Variants in HAPLN3 observed in about 807,000 individuals in gnomAD.
HAPLN3 encodes the protein hyaluronan and proteoglycan link protein 3.
Under a neutral mutation model 28.1 loss-of-function variants are expected in HAPLN3, and 28 were observed. That is an observed-to-expected ratio of 1.00 (90% CI 0.74 to 1.37). The LOEUF is 1.37. Among genes scored for constraint, HAPLN3 ranks in the 40% most tolerant of loss-of-function variants. The pLI, the probability that HAPLN3 is intolerant of heterozygous loss-of-function variation, is 0.00. For synonymous variants in HAPLN3, 211 were observed against 213.1 expected (o/e 0.99, Z 0.09); for missense variants, 513 against 504.6 (o/e 1.02, Z -0.16).
Position 88,881,606 on chromosome 15 carries a change from G to T in HAPLN3, c.244C>A (p.Arg82=). ...YRYEPALVSP[R]RVRVKWWKLS... ...TTCCACCATTTGACACGCACACGCC[G>T]CGGGGAGACCAGGGCCGGCTCGTAG... The change falls in exon 3 of 5, where the codon CGG becomes AGG. Residue 82 remains arginine, a synonymous_variant. Coordinates refer to ENST00000359595, the MANE Select transcript of HAPLN3 (RefSeq NM_178232.4). This position sits in a 1 kb window ranked among gnomAD's most constrained non-coding sequence, Gnocchi z 6.0. 1.9e-6 allele frequency: 3 copies of T among 1,614,036 alleles called. No individual in the cohort carries two copies. Among genetic ancestry groups the T allele is most frequent in the Non-Finnish European group, 2.5e-6 (3 of 1,180,038 alleles).
At chr15:88,882,367 A>G (rs1270042336) in intron 2 of HAPLN3, among the ~76,000 whole-genome samples, 1 of 152,164 alleles carries the variant, frequency 6.6e-6, no homozygotes, top group Non-Finnish European at 1.5e-5. Flanking sequence ...GCCACCCCAC[A>G]TGAGGTACAT....
In HAPLN3 at chr15:88,893,945, TTGGGG is replaced by T. The variant is rs1369576791; in HGVS notation, c.-48+1509_-48+1513del. Among the ~76,000 whole-genome samples, 345 of 79,742 alleles carry T rather than the reference TTGGGG, an allele frequency of 4.3e-3. 7 individuals are homozygous for T. The highest frequency in any genetic ancestry group is 6.8e-3 in the Middle Eastern group (1 of 146). 52.3% of individuals were successfully genotyped at this position (79,742 alleles called of 152,430 possible). A position where few individuals can be genotyped will look rare whatever the true frequency, so the allele number is the denominator to read the frequency against. On this transcript the variant is annotated intron_variant, in intron 1 of 4. Coordinates refer to ENST00000359595, the MANE Select transcript of HAPLN3 (RefSeq NM_178232.4). ...CTCCATCTCAAAAAAAAAAAAAAAGTTGGGGTGGGGGGGGCGGTCACGACAATACC... is the reference window on the plus strand; with the variant it reads ...CTCCATCTCAAAAAAAAAAAAAAAGTTGGGGGGGGCGGTCACGACAATACC...
intron 1 of HAPLN3, among the ~76,000 whole-genome samples, chr15:88,894,433 C>T (rs1165455194): frequency 6.6e-6 from 1 of 152,162 alleles, no homozygotes; most frequent in East Asian, 1.9e-4. Flanking sequence ...GTACAAGTCC[C>T]CCAGGTACCA....
At chr15:88,887,061 G>T in intron 2 of HAPLN3, 114 bp downstream of exon 2, 2 of 1,199,812 alleles carry the variant, frequency 1.7e-6, no homozygotes, top group African/African-American at 1.5e-5. Context: ...CAAGGGCCCT[G>T]CTGGAACAGG....
In HAPLN3 at chr15:88,880,294, C is replaced by T; in HGVS notation, c.494-1025G>A. On this transcript the variant is annotated intron_variant, in intron 3 of 4. Transcript: ENST00000359595. This position sits in a 1 kb window ranked among gnomAD's most constrained non-coding sequence, Gnocchi z 6.0. ...TGACTCTTGCAGGTTCTCCCCAACT[C>T]CACTGCCACCCCAACTTCAAGAATG... The T allele has an allele frequency of 1.9e-6, 2 of 1,060,374 alleles. No individual in the cohort carries two copies. The highest frequency in any genetic ancestry group is 2.3e-6 in the Non-Finnish European group (2 of 873,520). The allele number at this position is 1,060,374 out of a possible 1,614,324, so 65.7% of individuals were successfully genotyped here.
intron 2 of HAPLN3, among the ~76,000 whole-genome samples, chr15:88,886,901 G>A (rs1386764366): frequency 1.3e-5 from 2 of 152,214 alleles, no homozygotes; most frequent in Non-Finnish European, 2.9e-5. Flanking sequence ...GACCAGGGGA[G>A]GACACATTCA....
At chr15:88,883,848 C>T (rs146390978) in intron 2 of HAPLN3, among the ~76,000 whole-genome samples, 5 of 152,260 alleles carry the variant, frequency 3.3e-5, no homozygotes, top group African/African-American at 9.6e-5. Flanking sequence ...GAGGCCAAGG[C>T]GGGCAGATCA....
chr15:88,885,624 CT>C (rs1268176907), intron 2 of HAPLN3, among the ~76,000 whole-genome samples: 5 of 152,016 alleles, frequency 3.3e-5, no homozygotes, highest in Admixed American at 1.3e-4. Flanking sequence ...CGCCCGGCTA[CT>C]TTTGTATTTT....
At chr15:88,892,161 AAATC>A (rs1232061430) in intron 1 of HAPLN3, among the ~76,000 whole-genome samples, 1 of 152,050 alleles carries the variant, frequency 6.6e-6, no homozygotes, top group Non-Finnish European at 1.5e-5. Context: ...GATGCCAAGA[AAATC>A]AAAAGGAATT....
At position 88,878,250 on chromosome 15, in the gene HAPLN3, A is replaced by G; in HGVS notation, c.803T>C (p.Val268Ala). The change falls in exon 5 of 5, where the codon GTG becomes GCG. Residue 268 changes from valine to alanine, a missense_variant. Val to Ala is a moderately conservative substitution (Grantham distance 64). Coordinates refer to ENST00000359595, the MANE Select transcript of HAPLN3 (RefSeq NM_178232.4). ...FCFATALKGR[V>A]YYLEHPEKLT... ...CTTCTCAGGGTGCTCCAGGTAGTACACCCGCCCTGGGGGAAAGGGGGCGTG... is the reference window on the plus strand; with the variant it reads ...CTTCTCAGGGTGCTCCAGGTAGTACGCCCGCCCTGGGGGAAAGGGGGCGTG... 6.2e-7 allele frequency: 1 copy of G among 1,610,556 alleles called. No homozygotes were observed. The highest frequency in any genetic ancestry group is 8.5e-7 in the Non-Finnish European group (1 of 1,177,768).
chr15:88,879,155 C>T lies in HAPLN3; in HGVS notation c.608G>A (p.Arg203Gln), dbSNP rs75200279. 3,061 of 1,613,794 alleles carry T rather than the reference C, an allele frequency of 1.9e-3. 60 individuals are homozygous for T. In the African/African-American group the frequency reaches 0.035, roughly 19 times the overall value. The change falls in exon 4 of 5, where the codon CGG becomes CAG. Residue 203 changes from arginine to glutamine, a missense_variant. By Grantham distance (43) the Arg-to-Gln change is conservative (BLOSUM62 1). Transcript: ENST00000359595. The surrounding 1 kb of genome is among the most constrained non-coding windows in gnomAD (Gnocchi z 5.0). ...CCAGTCCAGGCCCTCCTCCCAGGCCCGGAAGAGCTGCTCAAAGGAGGCCAC... is the reference window on the plus strand; with the variant it reads ...CCAGTCCAGGCCCTCCTCCCAGGCCTGGAAGAGCTGCTCAAAGGAGGCCAC... ...AVVASFEQLFRAWEEGLDWCN... is the reference protein window; with the variant it reads ...AVVASFEQLFQAWEEGLDWCN...
chr15:88,891,225 T>TAC (rs1191910467), intron 1 of HAPLN3, among the ~76,000 whole-genome samples: 2 of 152,014 alleles, frequency 1.3e-5, no homozygotes, highest in South Asian at 2.1e-4. Context: ...TCCTAACAAA[T>TAC]ACACACACCA....
Position 88,895,277 on chromosome 15 carries a change from G to A in HAPLN3, c.-48+182C>T, listed in dbSNP as rs940855922. ...CTCCCTCCCCACTTGTGCCCCGGGC[G>A]CCCCTCGCCCGCGATCACAGCCCAT... On this transcript the variant is annotated intron_variant, in intron 1 of 4. Coordinates refer to ENST00000359595, the MANE Select transcript of HAPLN3 (RefSeq NM_178232.4). This position sits in a 1 kb window ranked among gnomAD's most constrained non-coding sequence, Gnocchi z 5.5. Among the ~76,000 whole-genome samples the A allele has an allele frequency of 2.6e-5, 4 of 152,182 alleles. No individual in the cohort carries two copies. The highest frequency in any genetic ancestry group is 1.9e-4 in the East Asian group (1 of 5,172).
intron 2 of HAPLN3, 52 bp downstream of exon 2, chr15:88,887,120 AAGG>A: frequency 1.3e-6 from 2 of 1,593,132 alleles, no homozygotes; most frequent in Non-Finnish European, 1.7e-6. Context: ...AGCAAGAGCC[AAGG>A]AGGTCTAGGT....
chr15:88,878,192 C>T lies in HAPLN3; in HGVS notation c.861G>A (p.Gln287=). 6.2e-7 allele frequency: 1 copy of T among 1,614,178 alleles called. No individual in the cohort carries two copies. The part of the protein sequence containing the change: ...LTLTEAREAC[Q]EDDATIAKVG... ...CCTTGGCGATCGTGGCATCATCTTC[C>T]TGGCAGGCCTCCCTTGCCTCTGTCA... Residue 287 remains glutamine, a synonymous_variant, in exon 5 of 5, where the codon CAG becomes CAA. Transcript: ENST00000359595.
In HAPLN3 at chr15:88,881,563, GC is replaced by G. The variant is rs763582182; in HGVS notation, c.286del (p.Ala96ProfsTer12). 1 of 1,614,034 alleles carries G rather than the reference GC, an allele frequency of 6.2e-7. No individual in the cohort carries two copies. Among genetic ancestry groups the G allele is most frequent in the South Asian group, 1.1e-5 (1 of 91,078 alleles). ...GGCCACCAGCACGTCCTTCTCTGGG[GC>G]CCCGTTCTCCGACAGCTTCCACCAT... The part of the protein sequence containing the change: ...VKWWKLSENG[A>X]PEKDVLVAIG... On this transcript the variant is annotated frameshift_variant, in exon 3 of 5. Coordinates refer to ENST00000359595, the MANE Select transcript of HAPLN3 (RefSeq NM_178232.4). LOFTEE classifies it high-confidence loss of function. This position sits in a 1 kb window ranked among gnomAD's most constrained non-coding sequence, Gnocchi z 6.0.
chr15:88,889,087 C>T (rs1005523290), intron 1 of HAPLN3, among the ~76,000 whole-genome samples: 1 of 152,196 alleles, frequency 6.6e-6, no homozygotes, highest in African/African-American at 2.4e-5. Context: ...CTTCCCAGCT[C>T]CCTTGCCACC....
chr15:88,893,942 AAG>A (rs1262621211), intron 1 of HAPLN3, among the ~76,000 whole-genome samples: 6 of 103,280 alleles, frequency 5.8e-5, no homozygotes, highest in African/African-American at 2.8e-4. Context: ...AAAAAAAAAA[AAG>A]TTGGGGTGGG....
intron 1 of HAPLN3, among the ~76,000 whole-genome samples, chr15:88,893,703 A>G (rs12593796): frequency 0.055 from 8,315 of 151,734 alleles, 304 homozygotes; most frequent in East Asian, 0.16. Flanking sequence ...TGAGGTGGGC[A>G]GATCACCTGA....
Sources: gnomAD v4.1 joint callset for allele counts (sites outside exome capture counted in the v4.1 genomes callset) on GRCh38, gnomAD v4.1.1 for gene constraint, Gnocchi (gnomAD v3.1) non-coding constraint, MANE v1.5 for transcripts, NCBI Gene and HGNC (gene_info 2026-07-23, HGNC 2026-07-21) for gene names.